Variants in PVALB observed in about 807,000 individuals in gnomAD.
The protein encoded by PVALB is parvalbumin.
PVALB carries 11 observed loss-of-function variants against 10.9 expected under a neutral mutation model. That is an observed-to-expected ratio of 1.01 (90% CI 0.63 to 1.67). PVALB has a LOEUF of 1.67. Ranked by LOEUF, PVALB falls within the 40% of genes most tolerant of loss-of-function variation. The pLI is 0.00. For missense variants in PVALB, 131 were observed against 136.2 expected, an observed-to-expected ratio of 0.96 and a Z score of 0.19; for synonymous variants, 57 against 50.7, an observed-to-expected ratio of 1.12 and a Z score of -0.53.
chr22:36,803,235 T>C (rs1442776139), intron 3 of PVALB, among the ~76,000 whole-genome samples: 1 of 152,216 alleles, frequency 6.6e-6, no homozygotes, highest in Non-Finnish European at 1.5e-5. Context: ...TCTTCATCCC[T>C]GTAGTTTCCG....
chr22:36,811,924 T>C (rs1039043581), intron 3 of PVALB, among the ~76,000 whole-genome samples: 1 of 152,114 alleles, frequency 6.6e-6, no homozygotes, highest in African/African-American at 2.4e-5. Context: ...GAAGGGCAGC[T>C]GGCATCAGAT....
upstream of PVALB, chr22:36,817,337 C>A: frequency 4.7e-6 from 1 of 214,926 alleles, no homozygotes; most frequent in Non-Finnish European, 9.1e-6. Flanking sequence ...GCGTCACCAG[C>A]TGGGTCTGGA....
At chr22:36,816,862 C>G (rs1939147288) in intron 1 of PVALB, 83 bp downstream of exon 1, 1 of 1,264,962 alleles carries the variant, frequency 7.9e-7, no homozygotes. Flanking sequence ...GGGGAGGATC[C>G]GCCGGCTGCG....
intron 3 of PVALB, among the ~76,000 whole-genome samples, chr22:36,801,227 T>C (rs1455516376): frequency 6.6e-6 from 1 of 152,194 alleles, no homozygotes; most frequent in Non-Finnish European, 1.5e-5. Context: ...TGAATGCTTA[T>C]CATATGCCAG....
intron 3 of PVALB, among the ~76,000 whole-genome samples, chr22:36,807,392 T>A (rs1429004717): frequency 6.6e-6 from 1 of 152,202 alleles, no homozygotes; most frequent in Non-Finnish European, 1.5e-5. Flanking sequence ...CTAGCCTTGA[T>A]CTGAGCATCC....
chr22:36,801,107 G>A (rs980027344), intron 3 of PVALB, among the ~76,000 whole-genome samples, 189 bp from the exon 4 acceptor site: 4 of 152,044 alleles, frequency 2.6e-5, no homozygotes, highest in African/African-American at 4.8e-5. Flanking sequence ...GAAGTGAGGT[G>A]GGAAATGATG....
At chr22:36,817,711 A>G (rs1939169403), upstream of PVALB, among the ~76,000 whole-genome samples, 1 of 152,192 alleles carries the variant, frequency 6.6e-6, no homozygotes, top group Non-Finnish European at 1.5e-5. Flanking sequence ...TTGATGTTTT[A>G]CTTTTATTTT....
chr22:36,801,937 G>A (rs1938871818), intron 3 of PVALB, among the ~76,000 whole-genome samples: 1 of 152,172 alleles, frequency 6.6e-6, no homozygotes, highest in South Asian at 2.1e-4. Flanking sequence ...TCTGGGTTTT[G>A]GTTCCCTCAT....
intron 3 of PVALB, chr22:36,811,418 C>A (rs1356297372): frequency 1.7e-5 from 8 of 466,434 alleles, no homozygotes; most frequent in Non-Finnish European, 3.6e-5. Context: ...GGGCTCAGGG[C>A]TAAGGAGTAG....
At position 36,813,693 on chromosome 22, in the gene PVALB, A is replaced by G. The variant is rs146738911; in HGVS notation, c.257T>C (p.Leu86Pro). The G allele has an allele frequency of 6.2e-7, 1 of 1,614,140 alleles. No homozygotes were observed. The highest frequency in any genetic ancestry group is 8.5e-7 in the Non-Finnish European group (1 of 1,180,016). ...CCCATCTTTGTCTCCAGCAGCCATC[A>G]GCATCTTGGTTTCTTTAGCAGACAG... ...RDLSAKETKM[L>P]MAAGDKDGDG... is the part of the protein sequence containing the mutation. The change falls in exon 3 of 4, where the codon CTG (leucine) becomes CCG (proline). Residue 86 changes from leucine (L) to proline (P), a missense_variant. Transcript: ENST00000417718.
Position 36,815,629 on chromosome 22 carries a change from A to G in PVALB, c.62-394T>C, listed in dbSNP as rs114828449. Among the ~76,000 whole-genome samples, 528 of 152,214 alleles carry G rather than the reference A, an allele frequency of 3.5e-3. 3 individuals are homozygous for G. The highest frequency in any genetic ancestry group is 0.012 in the African/African-American group (486 of 41,520). Reference sequence around the variant, plus strand: ...GGCTGGGGAATTGAAGGGGGCATGAACATGGTCCTGGGGTTAGGGGGAGGA... The same window carrying G: ...GGCTGGGGAATTGAAGGGGGCATGAGCATGGTCCTGGGGTTAGGGGGAGGA... On this transcript the variant is annotated intron_variant, in intron 1 of 3. Coordinates refer to ENST00000417718, the MANE Select transcript of PVALB (RefSeq NM_001315532.2).
chr22:36,810,174 C>T (rs111389555), intron 3 of PVALB, among the ~76,000 whole-genome samples: 1,911 of 152,318 alleles, frequency 0.013, 43 homozygotes, highest in African/African-American at 0.043. Flanking sequence ...TGAGCCACTG[C>T]GCCCGGCATG....
chr22:36,802,385 G>A (rs553340457), intron 3 of PVALB, among the ~76,000 whole-genome samples: 3 of 151,812 alleles, frequency 2.0e-5, no homozygotes, highest in East Asian at 1.9e-4. Context: ...GGCGGATCAC[G>A]AGGTCAAGAG....
chr22:36,804,367 A>G (rs1288634209), intron 3 of PVALB, among the ~76,000 whole-genome samples: 1 of 152,156 alleles, frequency 6.6e-6, no homozygotes, highest in Non-Finnish European at 1.5e-5. Flanking sequence ...AAAGCCTCTT[A>G]AATCAGCCCC....
At chr22:36,812,849 C>T (rs1376696718) in intron 3 of PVALB, among the ~76,000 whole-genome samples, 1 of 152,248 alleles carries the variant, frequency 6.6e-6, no homozygotes, top group Admixed American at 6.5e-5. Flanking sequence ...CCTTCAAAGT[C>T]CATTTGCCCA....
rs537242968 is a variant in PVALB at position 36,801,256 on chromosome 22, T to G, written c.305-338A>C. On this transcript the variant is annotated intron_variant, in intron 3 of 3. Coordinates refer to ENST00000417718, the MANE Select transcript of PVALB (RefSeq NM_001315532.2). ...ATGCCAGGCACTATTCGAAACACTT[T>G]ATATGCAATATCTTATTTGACTCTG... Among the ~76,000 whole-genome samples the G allele has an allele frequency of 1.5e-4, 23 of 152,364 alleles. No homozygotes were observed. The South Asian group carries it at 4.6e-3, about 30-fold the overall frequency.
At chr22:36,813,844 T>C (rs1239763136) in intron 2 of PVALB, 89 bp from the exon 3 acceptor site, 3 of 996,778 alleles carry the variant, frequency 3.0e-6, no homozygotes, top group African/African-American at 3.2e-5. Context: ...GGTTTCTGTA[T>C]GGGGAAAGGG....
intron 3 of PVALB, chr22:36,813,359 C>T (rs1054182731): frequency 1.2e-4 from 46 of 384,514 alleles, no homozygotes; most frequent in African/African-American, 8.5e-4. Flanking sequence ...AAAATGCAGG[C>T]AGAGTTCAGG....
At chr22:36,816,433 G>C (rs1310711033) in intron 1 of PVALB, 1 of 153,156 alleles carries the variant, frequency 6.5e-6, no homozygotes. Flanking sequence ...AGGTCACCTC[G>C]CCCGCAGGTC....
Sources: gnomAD v4.1 joint callset for allele counts (sites outside exome capture counted in the v4.1 genomes callset) on GRCh38, gnomAD v4.1.1 for gene constraint, MANE v1.5 for transcripts, NCBI Gene and HGNC (gene_info 2026-07-23, HGNC 2026-07-21) for gene names.